RHBDD1: variants seen among roughly 807,000 people sequenced by gnomAD.
RHBDD1 encodes rhomboid domain containing 1.
Under a neutral mutation model 36.3 loss-of-function variants are expected in RHBDD1, and 38 were observed. The observed-to-expected ratio is 1.05, with a 90% CI of 0.81 to 1.37. The LOEUF is 1.37. Ranked by LOEUF, RHBDD1 falls within the 40% of genes most tolerant of loss-of-function variation. The pLI is 0.00. For missense variants in RHBDD1, 393 were observed against 377.6 expected (o/e 1.04, Z -0.34); for synonymous variants, 151 against 136.5 (o/e 1.11, Z -0.74).
intron 3 of RHBDD1, among the ~76,000 whole-genome samples, chr2:226,848,616 A>C (rs185422524): frequency 6.6e-6 from 1 of 152,334 alleles, no homozygotes; most frequent in Non-Finnish European, 1.5e-5. Context: ...CATGTAAAGA[A>C]TCAGCCAAGA....
At chr2:226,858,537 A>T (rs1574833292) in intron 3 of RHBDD1, among the ~76,000 whole-genome samples, 2 of 152,324 alleles carry the variant, frequency 1.3e-5, no homozygotes, top group East Asian at 3.9e-4. Flanking sequence ...AATGGTCTCA[A>T]TTCTTATTGA....
intron 7 of RHBDD1, among the ~76,000 whole-genome samples, chr2:226,909,521 T>C (rs1948362700): frequency 6.6e-6 from 1 of 152,148 alleles, no homozygotes; most frequent in African/African-American, 2.4e-5. Context: ...GTGAACTGAA[T>C]GTGCCCGTCC....
intron 5 of RHBDD1, among the ~76,000 whole-genome samples, chr2:226,873,481 A>T (rs888614229): frequency 1.3e-5 from 2 of 152,002 alleles, no homozygotes; most frequent in African/African-American, 4.8e-5. Context: ...TGTTGCTGGG[A>T]CCCCTCCCAG....
chr2:226,938,766 C>G (rs1950501523), intron 8 of RHBDD1, among the ~76,000 whole-genome samples: 1 of 152,066 alleles, frequency 6.6e-6, no homozygotes, highest in African/African-American at 2.4e-5. Flanking sequence ...GGACTCCTTG[C>G]TAACTCATTC....
intron 8 of RHBDD1, among the ~76,000 whole-genome samples, chr2:226,972,611 G>A (rs1953759797): frequency 6.6e-6 from 1 of 152,162 alleles, no homozygotes; most frequent in Non-Finnish European, 1.5e-5. Context: ...GTCAAGGCAG[G>A]AGCTGGAAAT....
chr2:226,869,264 A>G, intron 5 of RHBDD1: 1 of 806,984 alleles, frequency 1.2e-6, no homozygotes, highest in Non-Finnish European at 1.5e-6. Context: ...TTTGAACTTA[A>G]AGTCTTTTGA....
intron 8 of RHBDD1, among the ~76,000 whole-genome samples, chr2:226,931,335 A>G (rs1381428612): frequency 6.6e-6 from 1 of 152,100 alleles, no homozygotes; most frequent in African/African-American, 2.4e-5. Flanking sequence ...TGTCTTTTGC[A>G]GCAACTTAGA....
the RHBDD1 span, among the ~76,000 whole-genome samples, chr2:226,808,849 C>T: frequency 6.6e-6 from 1 of 150,822 alleles, no homozygotes; most frequent in Admixed American, 6.6e-5. Context: ...GACCACAGTT[C>T]TTGATGGAAG....
intron 8 of RHBDD1, among the ~76,000 whole-genome samples, chr2:226,939,353 C>T (rs373413005): frequency 3.9e-5 from 6 of 152,218 alleles, no homozygotes; most frequent in African/African-American, 1.2e-4. Context: ...TTGTAGATGA[C>T]ATGATCCTAT....
Position 226,929,334 on chromosome 2 carries a change from G to T in RHBDD1, c.856+14983G>T, listed in dbSNP as rs532541899. Among the ~76,000 whole-genome samples the T allele has an allele frequency of 2.6e-5, 4 of 152,164 alleles. No individual in the cohort carries two copies. The South Asian group carries it at 8.3e-4, about 32-fold the overall frequency. On this transcript the variant is annotated intron_variant, in intron 8 of 8. Transcript: ENST00000392062. ...AATGAGTGTCATCCCAGGGTAGCAGGAATGGTTCAACATTCACAAGTCAAT... is the reference window on the plus strand; with the variant it reads ...AATGAGTGTCATCCCAGGGTAGCAGTAATGGTTCAACATTCACAAGTCAAT...
chr2:226,957,195 A>G (rs1052201296), intron 8 of RHBDD1, among the ~76,000 whole-genome samples: 2 of 152,216 alleles, frequency 1.3e-5, no homozygotes, highest in Non-Finnish European at 2.9e-5. Context: ...CACATAAAGT[A>G]CTTGATATGG....
intron 8 of RHBDD1, among the ~76,000 whole-genome samples, chr2:226,939,524 A>C (rs1950539863): frequency 6.6e-6 from 1 of 152,216 alleles, no homozygotes; most frequent in African/African-American, 2.4e-5. Flanking sequence ...TCCCATTCAC[A>C]GTTGCTACAG....
intron 6 of RHBDD1, 161 bp from the exon 7 acceptor site, chr2:226,908,661 T>A: frequency 1.0e-5 from 6 of 585,058 alleles, no homozygotes; most frequent in Non-Finnish European, 1.6e-5. Context: ...TCTTTTCCAG[T>A]TAGGGCTGGC....
intron 3 of RHBDD1, among the ~76,000 whole-genome samples, chr2:226,853,473 G>A (rs1363451317): frequency 2.0e-5 from 3 of 152,248 alleles, no homozygotes; most frequent in Non-Finnish European, 4.4e-5. Flanking sequence ...AGGCATAGGG[G>A]TCTCGCAAGG....
intron 8 of RHBDD1, among the ~76,000 whole-genome samples, chr2:226,939,301 A>C (rs1950529370): frequency 6.6e-6 from 1 of 152,216 alleles, no homozygotes; most frequent in Non-Finnish European, 1.5e-5. Context: ...AGAGAAAGAA[A>C]TAAAAGGTAT....
intron 4 of RHBDD1, among the ~76,000 whole-genome samples, chr2:226,866,849 T>C (rs1289614454): frequency 3.9e-5 from 6 of 152,246 alleles, no homozygotes; most frequent in African/African-American, 1.4e-4. Context: ...CTGGTATTTT[T>C]ATTGAGTTAA....
intron 8 of RHBDD1, among the ~76,000 whole-genome samples, chr2:226,923,082 T>C (rs1216806666): frequency 2.6e-5 from 4 of 152,238 alleles, no homozygotes; most frequent in African/African-American, 9.6e-5. Context: ...TGTGTCCTTT[T>C]ATTCTGTTTT....
chr2:226,865,183 T>C, intron 4 of RHBDD1, 57 bp downstream of exon 4: 1 of 1,330,572 alleles, frequency 7.5e-7, no homozygotes, highest in Non-Finnish European at 1.0e-6. Context: ...GAGGTGTGGC[T>C]GCTGTCATTT....
At position 226,864,771 on chromosome 2, in the gene RHBDD1, T is replaced by C. The variant is rs746817025; in HGVS notation, c.78T>C (p.Asn26=). The stretch of plus-strand genomic sequence containing the variant: ...AAATCTTCCATGTTGGGATCAACAA[T>C]ATTCCACCTGTCACCCTAGCAACTT... ...LSQIFHVGIN[N]IPPVTLATLA... Residue 26 remains asparagine, a synonymous_variant, in exon 4 of 9, where the codon AAT becomes AAC. Coordinates refer to ENST00000392062, the MANE Select transcript of RHBDD1 (RefSeq NM_001167608.3). 1.2e-6 allele frequency: 2 copies of C among 1,614,208 alleles called. No homozygotes were observed. Among genetic ancestry groups the C allele is most frequent in the South Asian group, 2.2e-5 (2 of 91,076 alleles).
Sources: allele counts gnomAD v4.1 joint callset (sites outside exome capture counted in the v4.1 genomes callset), GRCh38; gene constraint gnomAD v4.1.1; transcripts MANE v1.5; gene names NCBI Gene and HGNC (gene_info 2026-07-23, HGNC 2026-07-21).